LINGO2: variants seen among roughly 807,000 people sequenced by gnomAD.
LINGO2 encodes leucine rich repeat and Ig domain containing 2, also known as leucine-rich repeat and immunoglobulin-like domain-containing nogo receptor-interacting protein 2.
In LINGO2, 14 loss-of-function variants were observed where a neutral mutation model predicts 30.6. That is an observed-to-expected ratio of 0.46 (90% CI 0.30 to 0.72). The LOEUF (loss-of-function observed/expected upper bound fraction) is 0.72. LINGO2 is among the 30% of genes least tolerant of loss of function. The pLI is 0.07. For missense variants in LINGO2, 729 were observed against 751.7 expected, an observed-to-expected ratio of 0.97 and a Z score of 0.35; for synonymous variants, 317 against 288.5, an observed-to-expected ratio of 1.10 and a Z score of -1.00.
At chr9:28,235,220 G>A (rs1435802085) in intron 4 of LINGO2, among the ~76,000 whole-genome samples, 2 of 152,156 alleles carry the variant, frequency 1.3e-5, no homozygotes, top group Non-Finnish European at 2.9e-5. Flanking sequence ...ATAAAAGAAC[G>A]AGAGTCTCTG....
intron 4 of LINGO2, among the ~76,000 whole-genome samples, chr9:28,085,313 G>A (rs891953495): frequency 1.1e-4 from 16 of 151,950 alleles, no homozygotes; most frequent in Non-Finnish European, 2.4e-4. Flanking sequence ...GGAGAAGAGG[G>A]GCCCTTCCAC....
chr9:28,804,574 A>C, the LINGO2 span, among the ~76,000 whole-genome samples: 1 of 151,764 alleles, frequency 6.6e-6, no homozygotes, highest in Non-Finnish European at 1.5e-5. Flanking sequence ...CAAAAAAAAA[A>C]CAGATCTGGA....
At chr9:28,597,939 AT>A (rs1347043139) in intron 1 of LINGO2, among the ~76,000 whole-genome samples, 2 of 151,528 alleles carry the variant, frequency 1.3e-5, no homozygotes, top group African/African-American at 4.9e-5. Flanking sequence ...TAATTTTTGT[AT>A]TTTTAGTAGA....
chr9:28,602,685 T>C lies in LINGO2; in HGVS notation c.-365+67515A>G, dbSNP rs7871828. The stretch of plus-strand genomic sequence containing the variant: ...TATTCTAAGAAGCTATTCAGAGAAA[T>C]AAAAGTCTTCCTTTTCTAACATATT... On this transcript the variant is annotated intron_variant, in intron 1 of 5. Coordinates refer to ENST00000379992, the Ensembl canonical transcript of LINGO2. Among the ~76,000 whole-genome samples, 854 of 152,166 alleles carry C rather than the reference T, an allele frequency of 5.6e-3. 9 individuals carry two copies. The highest frequency in any genetic ancestry group is 0.02 in the African/African-American group (823 of 41,546).
chr9:28,531,577 G>C (rs1040981477), intron 1 of LINGO2, among the ~76,000 whole-genome samples: 1 of 152,048 alleles, frequency 6.6e-6, no homozygotes, highest in Non-Finnish European at 1.5e-5. Flanking sequence ...TCTTATTTAA[G>C]TATCTATAGT....
In LINGO2 at chr9:27,950,697, G is replaced by T. The variant is rs1016990434; in HGVS notation, c.-26C>A. 5 of 1,486,624 alleles carry T rather than the reference G, an allele frequency of 3.4e-6. No homozygotes were observed. In the Admixed American group the frequency reaches 9.6e-5, roughly 29 times the overall value. The allele number at this position is 1,486,624 out of a possible 1,614,324, so 92.1% of individuals were successfully genotyped here. ...GACTCCACTTCTTAGTCTACACCTT[G>T]GTCACGGGTCTGCATGGAAGGGACA... On this transcript the variant is annotated 5_prime_UTR_variant, in exon 6 of 6. Transcript: ENST00000379992.
At chr9:28,795,188 G>A in the LINGO2 span, among the ~76,000 whole-genome samples, 2 of 152,138 alleles carry the variant, frequency 1.3e-5, no homozygotes. Context: ...TAGCAAATAA[G>A]TTCATAAAGC....
At chr9:28,949,879 C>G in the LINGO2 span, among the ~76,000 whole-genome samples, 1 of 152,126 alleles carries the variant, frequency 6.6e-6, no homozygotes, top group Non-Finnish European at 1.5e-5. Flanking sequence ...CAAAAATCCT[C>G]AATAAAATAC....
chr9:28,549,660 T>C (rs779892055), intron 1 of LINGO2, among the ~76,000 whole-genome samples: 1 of 151,942 alleles, frequency 6.6e-6, no homozygotes, highest in Non-Finnish European at 1.5e-5. Context: ...TTTTTACTAA[T>C]AGTAGTATCT....
intron 4 of LINGO2, among the ~76,000 whole-genome samples, chr9:28,142,518 G>T (rs1433711903): frequency 1.3e-5 from 2 of 151,456 alleles, no homozygotes; most frequent in Non-Finnish European, 2.9e-5. Flanking sequence ...GTCTGGCTCA[G>T]AAAAAAAATG....
At chr9:28,052,095 C>G (rs1217174089) in intron 4 of LINGO2, among the ~76,000 whole-genome samples, 1 of 152,024 alleles carries the variant, frequency 6.6e-6, no homozygotes, top group Admixed American at 6.6e-5. Context: ...AGAGGGTAAA[C>G]TGGGCCCAGT....
chr9:28,558,295 A>G (rs1822859046), intron 1 of LINGO2, among the ~76,000 whole-genome samples: 1 of 151,694 alleles, frequency 6.6e-6, no homozygotes, highest in African/African-American at 2.4e-5. Context: ...CATATTCCCT[A>G]CAGAAGATTC....
chr9:28,128,645 A>G (rs1250894021), intron 4 of LINGO2, among the ~76,000 whole-genome samples: 1 of 152,152 alleles, frequency 6.6e-6, no homozygotes, highest in Non-Finnish European at 1.5e-5. Context: ...TCCAAGGCTG[A>G]CCACTGGTCT....
chr9:28,224,286 G>T (rs1456712051), intron 4 of LINGO2, among the ~76,000 whole-genome samples: 1 of 152,112 alleles, frequency 6.6e-6, no homozygotes, highest in East Asian at 1.9e-4. Context: ...GGATGGTCTC[G>T]ATCTCCTGAC....
chr9:28,963,979 C>T, the LINGO2 span, among the ~76,000 whole-genome samples: 4 of 151,628 alleles, frequency 2.6e-5, no homozygotes, highest in Admixed American at 6.6e-5. Context: ...ATGAATATCC[C>T]AAATATCCAG....
At chr9:29,212,539 T>A in the LINGO2 span, among the ~76,000 whole-genome samples, 194 of 152,118 alleles carry the variant, frequency 1.3e-3, 1 homozygote, top group African/African-American at 4.2e-3. Flanking sequence ...CCTAGTTGCG[T>A]TCACCGGTGC....
rs1398685248 is a variant in LINGO2, at chr9:28,331,654, C to T, written c.-245-36288G>A. Among the ~76,000 whole-genome samples the T allele has an allele frequency of 5.9e-5, 9 of 152,180 alleles. No individual in the cohort carries two copies. In the East Asian group the frequency reaches 7.7e-4, roughly 13 times the overall value. Reference sequence around the variant, plus strand: ...CCAAGTAGTTGGGACTACAGGCACACGCCACCATGCCTGGCAAATTTTTGT... The same window carrying T: ...CCAAGTAGTTGGGACTACAGGCACATGCCACCATGCCTGGCAAATTTTTGT... On this transcript the variant is annotated intron_variant, in intron 3 of 5. Transcript: ENST00000379992.
chr9:29,026,006 G>A, the LINGO2 span, among the ~76,000 whole-genome samples: 1 of 151,958 alleles, frequency 6.6e-6, no homozygotes, highest in Admixed American at 6.6e-5. Context: ...GTTCCATTGT[G>A]CAGAAATTTA....
chr9:28,339,894 T>A (rs1000324190), intron 3 of LINGO2, among the ~76,000 whole-genome samples: 1 of 152,122 alleles, frequency 6.6e-6, no homozygotes, highest in East Asian at 1.9e-4. Context: ...TTAAGTTCTC[T>A]CCTCTGAGCC....
Sources: allele counts gnomAD v4.1 joint callset (sites outside exome capture counted in the v4.1 genomes callset), GRCh38; gene constraint gnomAD v4.1.1; transcripts MANE v1.5; gene names NCBI Gene and HGNC (gene_info 2026-07-23, HGNC 2026-07-21).